The following NTRK3 variants were observed in gnomAD, a reference collection of about 807,000 sequenced individuals.
The protein encoded by NTRK3 is NT-3 growth factor receptor.
In NTRK3, 24 loss-of-function variants were observed where a neutral mutation model predicts 91.7. The observed-to-expected ratio is 0.26, with a 90% confidence interval of 0.19 to 0.37. The LOEUF is 0.37. Ranked by LOEUF, NTRK3 falls within the 10% of genes least tolerant of loss-of-function variation. NTRK3 has a pLI of 1.00. For synonymous variants in NTRK3, 483 were observed against 404.0 expected (o/e 1.20, Z -2.34); for missense variants, 880 against 1,068.9 (o/e 0.82, Z 2.46).
intron 5 of NTRK3, among the ~76,000 whole-genome samples, chr15:88,167,732 A>G (rs900389636): frequency 6.6e-6 from 1 of 152,130 alleles, no homozygotes; most frequent in Non-Finnish European, 1.5e-5. Flanking sequence ...TCCTCCTGCC[A>G]GGCCCCAAGC....
At chr15:88,249,252 A>G (rs1328514440) in intron 3 of NTRK3, among the ~76,000 whole-genome samples, 1 of 152,196 alleles carries the variant, frequency 6.6e-6, no homozygotes, top group Non-Finnish European at 1.5e-5. Context: ...CTGTATGTGA[A>G]CAGAGCTCAG....
At chr15:88,069,981 A>G (rs2046969457) in intron 13 of NTRK3, among the ~76,000 whole-genome samples, 1 of 152,146 alleles carries the variant, frequency 6.6e-6, no homozygotes, top group Admixed American at 6.5e-5. Flanking sequence ...GAAGGGATAC[A>G]CTTGTTACTG....
intron 13 of NTRK3, among the ~76,000 whole-genome samples, chr15:88,088,556 AGGTTAGT>A (rs1298897973): frequency 2.0e-5 from 3 of 152,204 alleles, no homozygotes; most frequent in Admixed American, 2.0e-4. Flanking sequence ...AATATATATA[AGGTTAGT>A]GTATATAATA....
At chr15:88,099,920 A>C (rs568889925) in intron 13 of NTRK3, among the ~76,000 whole-genome samples, 1 of 152,142 alleles carries the variant, frequency 6.6e-6, no homozygotes, top group African/African-American at 2.4e-5. Flanking sequence ...GGGGAGGGGG[A>C]CATGGAGTTG....
exon 19 of NTRK3, chr15:87,874,542 T>G: frequency 4.3e-6 from 1 of 233,454 alleles, no homozygotes; most frequent in Non-Finnish European, 8.5e-6. Flanking sequence ...TTCTCCTGCT[T>G]CTTCCCAGCC....
intron 13 of NTRK3, chr15:88,072,370 G>A (rs1046041491): frequency 5.0e-6 from 1 of 201,156 alleles, no homozygotes. Flanking sequence ...ACGCAGACCA[G>A]CTCAGCTCAG....
chr15:87,954,040 G>C (rs1204230086), intron 14 of NTRK3, among the ~76,000 whole-genome samples: 2 of 147,642 alleles, frequency 1.4e-5, no homozygotes, highest in African/African-American at 5.3e-5. Flanking sequence ...GTGTGTGTGT[G>C]TGTGTGTGTG....
At chr15:87,988,742 G>A (rs150469255) in intron 14 of NTRK3, among the ~76,000 whole-genome samples, 1 of 152,190 alleles carries the variant, frequency 6.6e-6, no homozygotes, top group East Asian at 1.9e-4. Flanking sequence ...AATACCCTTT[G>A]ATGTTCTATG....
At chr15:88,079,927 T>C (rs1172008120) in intron 13 of NTRK3, among the ~76,000 whole-genome samples, 2 of 152,200 alleles carry the variant, frequency 1.3e-5, no homozygotes, top group African/African-American at 4.8e-5. Flanking sequence ...TATGCACCAA[T>C]ATGGATTTTT....
At chr15:88,201,130 C>T (rs757000912) in intron 3 of NTRK3, among the ~76,000 whole-genome samples, 2 of 152,300 alleles carry the variant, frequency 1.3e-5, no homozygotes, top group South Asian at 2.1e-4. Context: ...TTAGGCACCA[C>T]GGTCAGCCAG....
intron 14 of NTRK3, among the ~76,000 whole-genome samples, chr15:87,993,907 C>T (rs961024184): frequency 6.6e-6 from 1 of 152,146 alleles, no homozygotes; most frequent in African/African-American, 2.4e-5. Context: ...GGAGTCTATA[C>T]CTCTGTAAGC....
chr15:87,999,268 T>C (rs972181900), intron 14 of NTRK3, among the ~76,000 whole-genome samples: 2 of 152,196 alleles, frequency 1.3e-5, no homozygotes, highest in Admixed American at 6.5e-5. Flanking sequence ...AAAGATATTC[T>C]TCCTCTGAAT....
intron 14 of NTRK3, among the ~76,000 whole-genome samples, chr15:88,017,047 T>G (rs927992541): frequency 6.7e-6 from 1 of 150,140 alleles, no homozygotes; most frequent in African/African-American, 2.4e-5. Context: ...TCATTAAGCC[T>G]CACTTACAAC....
intron 15 of NTRK3, among the ~76,000 whole-genome samples, chr15:87,937,967 C>T (rs571412735): frequency 6.8e-5 from 10 of 146,298 alleles, no homozygotes; most frequent in South Asian, 2.2e-4. Flanking sequence ...ATGACAGAGA[C>T]GAAAAAAAAA....
chr15:87,961,044 G>C (rs1469776490), intron 14 of NTRK3, among the ~76,000 whole-genome samples: 1 of 99,478 alleles, frequency 1.0e-5, no homozygotes, highest in East Asian at 2.7e-4. Flanking sequence ...CACAGGTGAA[G>C]TTTAAATCCT....
chr15:87,863,282 A>G, exon 19 of NTRK3: 1 of 226,022 alleles, frequency 4.4e-6, no homozygotes, highest in East Asian at 6.3e-5. Context: ...AGGCTCCGGT[A>G]GATAGGAAAT....
At chr15:88,104,158 T>C (rs942990168) in intron 13 of NTRK3, among the ~76,000 whole-genome samples, 1 of 152,162 alleles carries the variant, frequency 6.6e-6, no homozygotes, top group Non-Finnish European at 1.5e-5. Context: ...AAGTTACTGG[T>C]TTCAATATGA....
At chr15:88,188,507 G>A (rs1213060821) in intron 3 of NTRK3, among the ~76,000 whole-genome samples, 3 of 152,194 alleles carry the variant, frequency 2.0e-5, no homozygotes, top group Non-Finnish European at 4.4e-5. Context: ...CACAGCACCA[G>A]GATTGAGAAA....
At chr15:88,076,343 T>C (rs1196727412) in intron 13 of NTRK3, among the ~76,000 whole-genome samples, 1 of 151,992 alleles carries the variant, frequency 6.6e-6, no homozygotes, top group African/African-American at 2.4e-5. Flanking sequence ...TCCCACAACA[T>C]ATGGGAATTA....
Sources: gnomAD v4.1 joint callset for allele counts (sites outside exome capture counted in the v4.1 genomes callset) on GRCh38, gnomAD v4.1.1 for gene constraint, MANE v1.5 for transcripts, NCBI Gene and HGNC (gene_info 2026-07-23, HGNC 2026-07-21) for gene names.